The following AFG3L2 variants were observed in gnomAD, a reference collection of about 807,000 sequenced individuals.
AFG3L2 encodes the protein mitochondrial inner membrane m-AAA protease component AFG3L2.
Under a neutral mutation model 94.5 loss-of-function variants are expected in AFG3L2, and 54 were observed. The observed-to-expected ratio is 0.57, with a 90% CI of 0.46 to 0.72. The LOEUF (loss-of-function observed/expected upper bound fraction) is 0.72. Ranked by LOEUF, AFG3L2 falls within the 30% of genes least tolerant of loss-of-function variation. The pLI is 0.00. For missense variants in AFG3L2, 754 were observed against 994.9 expected (o/e 0.76, Z 3.26); for synonymous variants, 377 against 365.5 (o/e 1.03, Z -0.36).
chr18:12,338,836 G>C (rs1003130485), intron 15 of AFG3L2, among the ~76,000 whole-genome samples: 1 of 152,114 alleles, frequency 6.6e-6, no homozygotes, highest in Admixed American at 6.5e-5. Flanking sequence ...TCAGGGAAAT[G>C]ACATATGATA....
At chr18:12,356,596 G>C in intron 9 of AFG3L2, 98 bp downstream of exon 9, 1 of 1,556,098 alleles carries the variant, frequency 6.4e-7, no homozygotes, top group Middle Eastern at 1.9e-4. Flanking sequence ...GGTCACTCTA[G>C]CACTCTAGGG....
At chr18:12,363,364 T>A (rs1336477507) in intron 6 of AFG3L2, among the ~76,000 whole-genome samples, 1 of 152,180 alleles carries the variant, frequency 6.6e-6, no homozygotes, top group Non-Finnish European at 1.5e-5. Context: ...CAATATAATA[T>A]CACAAAATGG....
chr18:12,358,653 C>T lies in AFG3L2; in HGVS notation c.1026+17G>A, dbSNP rs760378691. ...TCAAGAAACATTTCAAAAAGTTAAT[C>T]TTAAATTTCATTTTACCTTTGGGAT... is the stretch of plus-strand genomic sequence containing the variant. On this transcript the variant is annotated intron_variant, in intron 8 of 16. Transcript: ENST00000269143. 6.2e-7 allele frequency: 1 copy of T among 1,611,972 alleles called. No individual in the cohort carries two copies. Among genetic ancestry groups the T allele is most frequent in the African/African-American group, 1.3e-5 (1 of 74,902 alleles).
chr18:12,344,306 G>C, intron 13 of AFG3L2, 59 bp from the exon 14 acceptor site: 1 of 1,386,644 alleles, frequency 7.2e-7, no homozygotes, highest in Non-Finnish European at 1.0e-6. Flanking sequence ...GACATTAAAA[G>C]ACAGTTATAC....
chr18:12,338,138 C>A (rs1568134253), intron 15 of AFG3L2, among the ~76,000 whole-genome samples: 2 of 152,106 alleles, frequency 1.3e-5, no homozygotes, highest in East Asian at 3.9e-4. Context: ...AGTGCATGAT[C>A]ATAGCTCACT....
chr18:12,356,934 T>A, intron 8 of AFG3L2, 103 bp from the exon 9 acceptor site: 1 of 1,139,824 alleles, frequency 8.8e-7, no homozygotes, highest in Non-Finnish European at 1.3e-6. Context: ...TAAATCTTAT[T>A]GATATATATT....
chr18:12,370,561 G>A (rs1039043316), intron 3 of AFG3L2, among the ~76,000 whole-genome samples: 1 of 147,598 alleles, frequency 6.8e-6, no homozygotes, highest in African/African-American at 2.5e-5. Flanking sequence ...GGGCTCAGGT[G>A]ATTCTCCCAC....
chr18:12,352,668 T>C (rs1001486718), intron 10 of AFG3L2, among the ~76,000 whole-genome samples: 4 of 152,124 alleles, frequency 2.6e-5, no homozygotes, highest in African/African-American at 9.7e-5. Flanking sequence ...TTAACACCGA[T>C]ATTAAGTTAT....
At chr18:12,352,964 A>C (rs201971604) in intron 10 of AFG3L2, 41 bp downstream of exon 10, 156 of 1,609,940 alleles carry the variant, frequency 9.7e-5, no homozygotes, top group Non-Finnish European at 1.0e-4. Context: ...AAAAAAAAAA[A>C]CAAAAGTGCA....
In AFG3L2 at chr18:12,329,321, C is replaced by CTT. The variant is rs1232395872; in HGVS notation, c.*243_*244insAA. On this transcript the variant is annotated 3_prime_UTR_variant, in exon 17 of 17. Transcript: ENST00000269143. The stretch of plus-strand genomic sequence containing the variant: ...CACTCTGGGCTCAACCTTTCCAGCA[C>CTT]GTCTGGGAGCCCAATGAGGCTATGG... 1 of 675,348 alleles carries CTT rather than the reference C, an allele frequency of 1.5e-6. No homozygotes were observed. Among genetic ancestry groups the CTT allele is most frequent in the Non-Finnish European group, 2.7e-6 (1 of 373,542 alleles). 41.8% of individuals were successfully genotyped at this position (675,348 alleles called of 1,614,324 possible). A position where few individuals can be genotyped will look rare whatever the true frequency, so the allele number is the denominator to read the frequency against.
At chr18:12,365,642 T>G (rs1431855694) in intron 5 of AFG3L2, among the ~76,000 whole-genome samples, 1 of 152,200 alleles carries the variant, frequency 6.6e-6, no homozygotes, top group African/African-American at 2.4e-5. Flanking sequence ...CTTCAGCTCT[T>G]AGCACAGTAG....
In AFG3L2 at chr18:12,353,163, G is replaced by C. The variant is rs1416177816; in HGVS notation, c.1165-5C>G. The stretch of plus-strand genomic sequence containing the variant: ...AAGGGCAAATAAGTCTCGGACCTTG[G>C]CAAAAACAGAAAGAGAGTCACCTGA... On this transcript the variant is annotated splice_region_variant and splice_polypyrimidine_tract_variant and intron_variant, in intron 9 of 16. Coordinates refer to ENST00000269143, the MANE Select transcript of AFG3L2 (RefSeq NM_006796.3). 6.2e-7 allele frequency: 1 copy of C among 1,613,762 alleles called. No individual in the cohort carries two copies. The highest frequency in any genetic ancestry group is 1.7e-5 in the Admixed American group (1 of 59,986).
intron 5 of AFG3L2, among the ~76,000 whole-genome samples, chr18:12,366,328 T>A (rs1326968589): frequency 1.3e-5 from 2 of 152,220 alleles, no homozygotes; most frequent in Non-Finnish European, 2.9e-5. Flanking sequence ...ATCAATAGCA[T>A]CTTAAATATG....
In AFG3L2 at chr18:12,367,018, C is replaced by G. The variant is rs1234429070; in HGVS notation, c.499G>C (p.Gly167Arg). The G allele has an allele frequency of 6.2e-7, 1 of 1,614,030 alleles. No individual in the cohort carries two copies. The highest frequency in any genetic ancestry group is 1.7e-5 in the Admixed American group (1 of 59,996). ...AAGTCCTTCCAAGTGATTTCTCTCCCGGATCTCTTGAGCAGCAAGTAAAAC... is the reference window on the plus strand; with the variant it reads ...AAGTCCTTCCAAGTGATTTCTCTCCGGGATCTCTTGAGCAGCAAGTAAAAC... ...VMFYLLLKRS[G>R]REITWKDFVN... is the part of the protein sequence containing the mutation. Residue 167 changes from glycine (G) to arginine (R), a missense_variant, in exon 5 of 17, where the codon GGG (glycine) becomes CGG (arginine). Transcript: ENST00000269143.
intron 6 of AFG3L2, among the ~76,000 whole-genome samples, chr18:12,361,586 G>C (rs144841238): frequency 4.9e-4 from 75 of 152,310 alleles, no homozygotes; most frequent in African/African-American, 1.8e-3. Flanking sequence ...GGCGGAAGTT[G>C]CAGTGAGCCA....
chr18:12,332,958 CTATAA>C lies in AFG3L2; in HGVS notation c.2176-3180_2176-3176del, dbSNP rs1343533830. Among the ~76,000 whole-genome samples, 29 of 30,450 alleles carry C rather than the reference CTATAA, an allele frequency of 9.5e-4. 1 individual carries two copies. Among genetic ancestry groups the C allele is most frequent in the Admixed American group, 3.2e-3 (9 of 2,844 alleles). 20.0% of individuals were successfully genotyped at this position (30,450 alleles called of 152,430 possible). ...TATATAACATATAATATATTATATA[CTATAA>C]TATATTATATATTATATAAATATAT... is the stretch of plus-strand genomic sequence containing the variant. On this transcript the variant is annotated intron_variant, in intron 16 of 16. Coordinates refer to ENST00000269143, the MANE Select transcript of AFG3L2 (RefSeq NM_006796.3).
At chr18:12,373,014 A>G (rs565366721) in intron 1 of AFG3L2, among the ~76,000 whole-genome samples, 1 of 152,380 alleles carries the variant, frequency 6.6e-6, no homozygotes, top group African/African-American at 2.4e-5. Flanking sequence ...TGAACTGTAC[A>G]TTTAAGATGA....
At chr18:12,330,649 G>A (rs1251273019) in intron 16 of AFG3L2, among the ~76,000 whole-genome samples, 1 of 151,964 alleles carries the variant, frequency 6.6e-6, no homozygotes, top group Middle Eastern at 3.2e-3. Context: ...GCAGTGGTGG[G>A]TGCCTGTAAG....
rs113810742 is a variant in AFG3L2 at position 12,377,069 on chromosome 18, C to G, written c.14G>C (p.Cys5Ser). 1 of 1,426,708 alleles carries G rather than the reference C, an allele frequency of 7.0e-7. No homozygotes were observed. Among genetic ancestry groups the G allele is most frequent in the African/African-American group, 1.5e-5 (1 of 67,196 alleles). The allele number at this position is 1,426,708 out of a possible 1,614,324, so 88.4% of individuals were successfully genotyped here. A position where few individuals can be genotyped will look rare whatever the true frequency, so the allele number is the denominator to read the frequency against. ...GCCGCCCCGGCCCCACAGCCGCAAA[C>G]AGCGGTGCGCCATGGCCGCCGCCGT... MAHR[C>S]LRLWGRGGCW... Residue 5 changes from cysteine (C) to serine (S), a missense_variant, in exon 1 of 17, where the codon TGT becomes TCT. Coordinates refer to ENST00000269143, the MANE Select transcript of AFG3L2 (RefSeq NM_006796.3).
Sources: gnomAD v4.1 joint callset for allele counts (sites outside exome capture counted in the v4.1 genomes callset) on GRCh38, gnomAD v4.1.1 for gene constraint, MANE v1.5 for transcripts, NCBI Gene and HGNC (gene_info 2026-07-23, HGNC 2026-07-21) for gene names.